SACM1L: variants seen among roughly 807,000 people sequenced by gnomAD.
SACM1L encodes phosphatidylinositol-3-phosphatase SAC1.
A neutral mutation model predicts 89.5 loss-of-function variants in SACM1L; 32 were observed. The ratio of observed to expected loss-of-function variants is 0.36; its 90% CI spans 0.27 to 0.48. The LOEUF (loss-of-function observed/expected upper bound fraction) is 0.48. Ranked by LOEUF, SACM1L falls within the 20% of genes least tolerant of loss-of-function variation. SACM1L has a pLI of 0.99. For synonymous variants in SACM1L, 213 were observed against 232.8 expected, an observed-to-expected ratio of 0.92 and a Z score of 0.77; for missense variants, 543 against 708.5, an observed-to-expected ratio of 0.77 and a Z score of 2.65.
At chr3:45,693,679 C>T (rs897217753) in intron 1 of SACM1L, among the ~76,000 whole-genome samples, 3 of 152,086 alleles carry the variant, frequency 2.0e-5, no homozygotes, top group African/African-American at 7.2e-5. Flanking sequence ...ACCTTTTTTT[C>T]TCTTACCAGA....
chr3:45,722,311 T>C (rs1222649011), intron 9 of SACM1L, among the ~76,000 whole-genome samples: 1 of 151,970 alleles, frequency 6.6e-6, no homozygotes, highest in East Asian at 1.9e-4. Context: ...GAGGGTAGGC[T>C]AGGAGGTGCG....
chr3:45,714,446 T>G (rs1253409306), intron 7 of SACM1L, among the ~76,000 whole-genome samples: 3 of 152,144 alleles, frequency 2.0e-5, no homozygotes, highest in African/African-American at 7.2e-5. Context: ...AAAGTTAGAC[T>G]TAGGCCGGGC....
At position 45,705,008 on chromosome 3, in the gene SACM1L, G is replaced by GCACTAT; in HGVS notation, c.131-127_131-126insCACTAT. ...CAATAGTGCATTTAAGTTAAGGAATGTTGCTTTTCTTAGAACAAATCATGC... is the reference window on the plus strand; with the variant it reads ...CAATAGTGCATTTAAGTTAAGGAATGCACTATTTGCTTTTCTTAGAACAAATCATGC... On this transcript the variant is annotated intron_variant, in intron 2 of 19. Transcript: ENST00000389061. The GCACTAT allele has an allele frequency of 4.9e-6, 3 of 607,364 alleles. 1 individual carries two copies. The Middle Eastern group carries it at 9.5e-4, about 193-fold the overall frequency. 37.6% of individuals were successfully genotyped at this position (607,364 alleles called of 1,614,324 possible). A position where few individuals can be genotyped will look rare whatever the true frequency, so the allele number is the denominator to read the frequency against.
At chr3:45,695,844 C>A (rs1374135611) in intron 1 of SACM1L, among the ~76,000 whole-genome samples, 4 of 152,006 alleles carry the variant, frequency 2.6e-5, no homozygotes, top group Admixed American at 2.6e-4. Flanking sequence ...TCCTCCCAGC[C>A]CCTGGCAACC....
At chr3:45,715,328 T>C (rs756322097) in intron 7 of SACM1L, among the ~76,000 whole-genome samples, 4 of 152,230 alleles carry the variant, frequency 2.6e-5, no homozygotes, top group Non-Finnish European at 2.9e-5. Flanking sequence ...ACTTAATGCT[T>C]GTTATACTTA....
At chr3:45,727,184 C>T (rs543281354) in intron 11 of SACM1L, among the ~76,000 whole-genome samples, 1 of 21,736 alleles carries the variant, frequency 4.6e-5, no homozygotes, top group South Asian at 6.7e-4. Flanking sequence ...CGCGCCCGGC[C>T]GCTTTATTTC....
intron 19 of SACM1L, 74 bp downstream of exon 19, chr3:45,739,718 T>C: frequency 1.5e-6 from 2 of 1,335,372 alleles, no homozygotes; most frequent in Non-Finnish European, 2.2e-6. Context: ...AGTTTTTGAG[T>C]TCACCGAACA....
chr3:45,733,575 C>T (rs533716870), intron 13 of SACM1L, among the ~76,000 whole-genome samples: 1 of 152,292 alleles, frequency 6.6e-6, no homozygotes, highest in Non-Finnish European at 1.5e-5. Context: ...CATCCTAACA[C>T]ATTCTTCCAC....
intron 7 of SACM1L, among the ~76,000 whole-genome samples, chr3:45,717,717 C>T (rs562138492): frequency 6.6e-6 from 1 of 152,300 alleles, no homozygotes; most frequent in East Asian, 1.9e-4. Context: ...CTGTCATACC[C>T]CCCTGCTCCC....
rs1196704912 is a variant in SACM1L, at chr3:45,719,521, C to T, written c.599C>T (p.Ser200Phe). The T allele has an allele frequency of 6.2e-7, 1 of 1,606,098 alleles. No homozygotes were observed. The highest frequency in any genetic ancestry group is 1.1e-5 in the South Asian group (1 of 90,444). The change falls in exon 8 of 20, where the codon TCT becomes TTT. Residue 200 changes from serine to phenylalanine, a missense_variant. Physicochemically the swap from Ser to Phe is radical, Grantham distance 155. Around this residue, in one of 2 missense-constraint regions of SACM1L, gnomAD observed 370 missense variants for 527.6 expected, o/e 0.70. Coordinates refer to ENST00000389061, the MANE Select transcript of SACM1L (RefSeq NM_014016.5). ...LHGFITMHSC[S>F]INGKYFDWIL... ...TAAGTTATTACCATGCATTCATGTT[C>T]TATTAATGGAAAATACTTTGATTGG... is the stretch of plus-strand genomic sequence containing the variant.
At chr3:45,731,162 G>C in intron 11 of SACM1L, 139 bp from the exon 12 acceptor site, 1 of 493,890 alleles carries the variant, frequency 2.0e-6, no homozygotes, top group East Asian at 3.5e-5. Flanking sequence ...TACAAAGTTG[G>C]CTCAGACAGC....
At chr3:45,719,653 G>T in intron 8 of SACM1L, 52 bp downstream of exon 8, 2 of 1,048,210 alleles carry the variant, frequency 1.9e-6, no homozygotes, top group East Asian at 2.5e-5. Context: ...TTTGTCTTAC[G>T]GTGACACGAA....
At chr3:45,689,871 TTTCTC>T (rs754097590) in intron 1 of SACM1L, 1 of 309,934 alleles carries the variant, frequency 3.2e-6, no homozygotes, top group Non-Finnish European at 6.0e-6. Flanking sequence ...GAAAAAGAGT[TTTCTC>T]TTACTTAACG....
chr3:45,700,300 C>A (rs1698236563), intron 1 of SACM1L, among the ~76,000 whole-genome samples: 1 of 152,064 alleles, frequency 6.6e-6, no homozygotes, highest in Non-Finnish European at 1.5e-5. Context: ...GGCAACTGTC[C>A]CCCAAAATAC....
At chr3:45,729,147 CA>C (rs1163542443) in intron 11 of SACM1L, among the ~76,000 whole-genome samples, 1 of 152,046 alleles carries the variant, frequency 6.6e-6, no homozygotes. Flanking sequence ...AGTACAGTGG[CA>C]CAATCTCGGC....
chr3:45,734,113 A>ATTC lies in SACM1L; in HGVS notation c.1101-1120_1101-1119insCTT, dbSNP rs777940758. On this transcript the variant is annotated intron_variant, in intron 13 of 19. Coordinates refer to ENST00000389061, the MANE Select transcript of SACM1L (RefSeq NM_014016.5). ...ATTTGCATGTATTACCCATTTAAGA[A>ATTC]TTTTTTTTTTTTTTTTTGGCTGGGG... 2.8e-3 allele frequency among the ~76,000 whole-genome samples: 366 copies of ATTC among 132,092 alleles called. 12 individuals carry two copies. The East Asian group carries it at 0.047, about 17-fold the overall frequency. The allele number at this position is 132,092 out of a possible 152,430, so 86.7% of individuals were successfully genotyped here.
At chr3:45,702,939 T>C (rs562266998) in intron 1 of SACM1L, among the ~76,000 whole-genome samples, 8 of 152,368 alleles carry the variant, frequency 5.3e-5, no homozygotes, top group African/African-American at 1.9e-4. Context: ...CATTTCTTAC[T>C]GTTTTTAGCT....
Position 45,743,674 on chromosome 3 carries a change from G to C in SACM1L, c.*5G>C. The C allele has an allele frequency of 6.2e-7, 1 of 1,611,314 alleles. No individual in the cohort carries two copies. The highest frequency in any genetic ancestry group is 8.5e-7 in the Non-Finnish European group (1 of 1,178,946). ...CAGAAAGAAAAGATAGACTGAATTT[G>C]TATTTGTGGAAAGCGGCTTGGCTTG... is the stretch of plus-strand genomic sequence containing the variant. On this transcript the variant is annotated 3_prime_UTR_variant, in exon 20 of 20. Transcript: ENST00000389061.
chr3:45,693,732 A>G (rs1465388070), intron 1 of SACM1L, among the ~76,000 whole-genome samples: 2 of 152,194 alleles, frequency 1.3e-5, no homozygotes, highest in East Asian at 1.9e-4. Context: ...TATTGAAATG[A>G]GTCACTTACA....
Sources: allele counts gnomAD v4.1 joint callset (sites outside exome capture counted in the v4.1 genomes callset), GRCh38; gene constraint gnomAD v4.1.1; regional missense constraint gnomAD v4.1.1; transcripts MANE v1.5; gene names NCBI Gene and HGNC (gene_info 2026-07-23, HGNC 2026-07-21).